The following AGMO variants were observed in gnomAD, a reference collection of about 807,000 sequenced individuals.
AGMO encodes the protein glyceryl-ether monooxygenase.
A neutral mutation model predicts 60.2 loss-of-function variants in AGMO; 75 were observed. The ratio of observed to expected loss-of-function variants is 1.25; its 90% confidence interval spans 1.03 to 1.51. The LOEUF (loss-of-function observed/expected upper bound fraction) is 1.51. Ranked by LOEUF, AGMO falls within the 40% of genes most tolerant of loss-of-function variation. AGMO has a pLI of 0.00. For synonymous variants in AGMO, 261 were observed against 177.1 expected (o/e 1.47, Z -3.76); for missense variants, 763 against 525.5 (o/e 1.45, Z -4.42).
At chr7:15,373,606 C>G (rs1396730704) in intron 10 of AGMO, among the ~76,000 whole-genome samples, 1 of 152,088 alleles carries the variant, frequency 6.6e-6, no homozygotes, top group Admixed American at 6.5e-5. Flanking sequence ...TCAATACAAC[C>G]TCCTCTCACA....
chr7:15,353,573 A>G (rs1335259344), intron 12 of AGMO, among the ~76,000 whole-genome samples: 1 of 152,258 alleles, frequency 6.6e-6, no homozygotes, highest in Non-Finnish European at 1.5e-5. Context: ...AAATGTATTT[A>G]AAATACTTTT....
At chr7:15,384,182 C>T (rs7808567) in intron 10 of AGMO, among the ~76,000 whole-genome samples, 14,098 of 152,160 alleles carry the variant, frequency 0.093, 884 homozygotes, top group South Asian at 0.16. Flanking sequence ...CGTGATCTGC[C>T]CACCTTGGCC....
intron 2 of AGMO, among the ~76,000 whole-genome samples, chr7:15,557,588 G>C (rs980272558): frequency 4.0e-5 from 6 of 150,874 alleles, no homozygotes; most frequent in African/African-American, 1.5e-4. Context: ...TTTATATCTG[G>C]GTTTGGGATT....
intron 4 of AGMO, among the ~76,000 whole-genome samples, chr7:15,423,304 TATAG>T (rs1316148408): frequency 1.3e-5 from 2 of 152,186 alleles, no homozygotes; most frequent in African/African-American, 4.8e-5. Context: ...ATTACCTGAT[TATAG>T]ATAGAGAGCA....
intron 3 of AGMO, among the ~76,000 whole-genome samples, chr7:15,520,281 C>T (rs930445555): frequency 2.0e-5 from 3 of 152,112 alleles, no homozygotes; most frequent in African/African-American, 7.2e-5. Context: ...CAATATTAGA[C>T]AGATCAATGA....
chr7:15,429,592 ATCT>A (rs1298131046), intron 4 of AGMO, among the ~76,000 whole-genome samples: 5 of 152,016 alleles, frequency 3.3e-5, no homozygotes, highest in African/African-American at 1.2e-4. Context: ...AGTTAGTAGT[ATCT>A]TCTTATGGCA....
At chr7:15,372,524 T>C (rs1783261619) in intron 10 of AGMO, among the ~76,000 whole-genome samples, 1 of 152,208 alleles carries the variant, frequency 6.6e-6, no homozygotes, top group Non-Finnish European at 1.5e-5. Flanking sequence ...TGCTGGGCAC[T>C]ATGGTAAATA....
At chr7:15,427,096 A>C (rs1367422685) in intron 4 of AGMO, among the ~76,000 whole-genome samples, 1 of 152,176 alleles carries the variant, frequency 6.6e-6, no homozygotes, top group Non-Finnish European at 1.5e-5. Context: ...TTTCTTTAGG[A>C]TAATATCCAG....
intron 12 of AGMO, among the ~76,000 whole-genome samples, chr7:15,352,046 G>A (rs1243922818): frequency 6.6e-6 from 1 of 152,058 alleles, no homozygotes; most frequent in Admixed American, 6.5e-5. Context: ...TATTAACCTT[G>A]ACTCTTGTCA....
intron 6 of AGMO, among the ~76,000 whole-genome samples, chr7:15,392,840 ATACACCTTATC>A (rs1028759978): frequency 8.5e-5 from 13 of 152,124 alleles, no homozygotes; most frequent in African/African-American, 2.6e-4. Context: ...ACAACTTTAA[ATACACCTTATC>A]TACTGAACAT....
intron 3 of AGMO, among the ~76,000 whole-genome samples, chr7:15,519,174 G>A (rs1258108629): frequency 1.3e-5 from 2 of 151,924 alleles, no homozygotes; most frequent in African/African-American, 4.8e-5. Context: ...TATGTGAAGA[G>A]ATCAAACCTA....
chr7:15,358,939 G>C (rs1303386871), intron 12 of AGMO, among the ~76,000 whole-genome samples: 1 of 152,110 alleles, frequency 6.6e-6, no homozygotes, highest in African/African-American at 2.4e-5. Flanking sequence ...ATGGCATTAA[G>C]ATAAATATCC....
chr7:15,439,468 T>C (rs1357704188), intron 3 of AGMO, among the ~76,000 whole-genome samples: 1 of 152,166 alleles, frequency 6.6e-6, no homozygotes, highest in Non-Finnish European at 1.5e-5. Flanking sequence ...TCTGCTACCT[T>C]GAATCATTCT....
intron 5 of AGMO, among the ~76,000 whole-genome samples, chr7:15,395,662 CAA>C (rs1185160109): frequency 6.6e-6 from 1 of 152,000 alleles, no homozygotes; most frequent in Non-Finnish European, 1.5e-5. Flanking sequence ...AGTTTTGAAA[CAA>C]AATGGATATA....
intron 5 of AGMO, among the ~76,000 whole-genome samples, chr7:15,413,684 T>G (rs1187043928): frequency 6.6e-6 from 1 of 151,816 alleles, no homozygotes; most frequent in Non-Finnish European, 1.5e-5. Context: ...CTGAAAAAAA[T>G]GCAACAAAGG....
At chr7:15,195,367 C>A (rs1470385040), downstream of AGMO, among the ~76,000 whole-genome samples, 3 of 152,176 alleles carry the variant, frequency 2.0e-5, no homozygotes, top group Non-Finnish European at 2.9e-5. Context: ...GTCTTCCGTG[C>A]CCCTGGTAAA....
At chr7:15,394,604 A>T (rs1271075743) in intron 5 of AGMO, among the ~76,000 whole-genome samples, 1 of 152,216 alleles carries the variant, frequency 6.6e-6, no homozygotes, top group Non-Finnish European at 1.5e-5. Flanking sequence ...CACTACCCTT[A>T]GATTTCATGT....
chr7:15,201,088 G>T lies in AGMO; in HGVS notation c.*197C>A, dbSNP rs1781265109. ...CTTTTTTTAATTGTAGTAAAGGGGG[G>T]AAGTAACCAAAACTGACTTTAATTT... On this transcript the variant is annotated 3_prime_UTR_variant, in exon 13 of 13. Coordinates refer to ENST00000342526, the MANE Select transcript of AGMO (RefSeq NM_001004320.2). 2 of 403,232 alleles carry T rather than the reference G, an allele frequency of 5.0e-6. No homozygotes were observed. Among genetic ancestry groups the T allele is most frequent in the African/African-American group, 2.1e-5 (1 of 48,456 alleles). 25.0% of individuals were successfully genotyped at this position (403,232 alleles called of 1,614,324 possible).
At chr7:15,144,589 G>C in the AGMO span, among the ~76,000 whole-genome samples, 1 of 152,170 alleles carries the variant, frequency 6.6e-6, no homozygotes, top group Admixed American at 6.5e-5. Flanking sequence ...CACGTTTTTA[G>C]TCAGGAGCAA....
Sources: gnomAD v4.1 joint callset for allele counts (sites outside exome capture counted in the v4.1 genomes callset) on GRCh38, gnomAD v4.1.1 for gene constraint, MANE v1.5 for transcripts, NCBI Gene and HGNC (gene_info 2026-07-23, HGNC 2026-07-21) for gene names.